FGF14: variants seen among roughly 807,000 people sequenced by gnomAD.
FGF14 encodes the protein fibroblast growth factor homologous factor 4.
In FGF14, 5 loss-of-function variants were observed where a neutral mutation model predicts 25.5. The observed-to-expected ratio is 0.20, with a 90% CI of 0.10 to 0.41. FGF14 has a LOEUF of 0.41. FGF14 is among the 10% of genes least tolerant of loss of function. The pLI is 1.00. For missense variants in FGF14, 222 were observed against 320.1 expected, an observed-to-expected ratio of 0.69 and a Z score of 2.34; for synonymous variants, 138 against 118.3, an observed-to-expected ratio of 1.17 and a Z score of -1.08.
Position 102,218,683 on chromosome 13 carries a change from C to T in FGF14, c.208+182788G>A, listed in dbSNP as rs180961576. ...TCACCCTTTTTAATCTTTTTCTTTT[C>T]GCCTGCATCTATGGCACATCCACTT... On this transcript the variant is annotated intron_variant, in intron 1 of 4. Coordinates refer to the FGF14 transcript ENST00000376131. 2.9e-3 allele frequency among the ~76,000 whole-genome samples: 434 copies of T among 152,036 alleles called. 1 individual carries two copies. Among genetic ancestry groups the T allele is most frequent in the African/African-American group, 9.3e-3 (385 of 41,464 alleles).
chr13:101,871,226 A>T (rs1232836091), intron 2 of FGF14, among the ~76,000 whole-genome samples: 1 of 152,024 alleles, frequency 6.6e-6, no homozygotes, highest in Non-Finnish European at 1.5e-5. Context: ...AATAATGGAG[A>T]TGTTTTTGTG....
intron 1 of FGF14, among the ~76,000 whole-genome samples, chr13:102,098,802 C>A (rs1402367482): frequency 6.6e-6 from 1 of 152,136 alleles, no homozygotes; most frequent in Non-Finnish European, 1.5e-5. Flanking sequence ...AACCAGGTAA[C>A]CTCCAATGGG....
At chr13:101,919,120 G>A, upstream of FGF14, among the ~76,000 whole-genome samples, 1 of 152,108 alleles carries the variant, frequency 6.6e-6, no homozygotes, top group East Asian at 1.9e-4. Context: ...ATAGAGAGAT[G>A]AAAATAACTA....
intron 3 of FGF14, among the ~76,000 whole-genome samples, chr13:101,791,287 G>T (rs1461877255): frequency 1.3e-5 from 2 of 152,114 alleles, no homozygotes; most frequent in African/African-American, 4.8e-5. Flanking sequence ...TAGGCGGCAT[G>T]AATATTTTGG....
rs544972682 is a variant in FGF14 at position 102,060,298 on chromosome 13, G to A, written c.209-185002C>T. Among the ~76,000 whole-genome samples, 26 of 152,098 alleles carry A rather than the reference G, an allele frequency of 1.7e-4. No individual in the cohort carries two copies. The South Asian group carries it at 3.5e-3, about 21-fold the overall frequency. On this transcript the variant is annotated intron_variant, in intron 1 of 4. Coordinates refer to the FGF14 transcript ENST00000376131. ...CCCAGCACTTTGGGAGGCTGAGGCC[G>A]GGGGATCATGAGGTCAAGAGATCGA...
chr13:102,286,705 G>A (rs1010090270), intron 1 of FGF14, among the ~76,000 whole-genome samples: 2 of 152,094 alleles, frequency 1.3e-5, no homozygotes, highest in African/African-American at 4.8e-5. Context: ...TCACTGTTGA[G>A]TCAGTAATTG....
At chr13:102,007,942 G>A (rs2039892709) in intron 1 of FGF14, among the ~76,000 whole-genome samples, 1 of 152,202 alleles carries the variant, frequency 6.6e-6, no homozygotes, top group African/African-American at 2.4e-5. Flanking sequence ...AGAAGCTTTA[G>A]ATTGCATTGG....
intron 1 of FGF14, among the ~76,000 whole-genome samples, chr13:101,992,733 T>C (rs2038973996): frequency 6.6e-6 from 1 of 152,046 alleles, no homozygotes; most frequent in South Asian, 2.1e-4. Flanking sequence ...AAACTTAAAA[T>C]GGCCAGGGAA....
intron 1 of FGF14, among the ~76,000 whole-genome samples, chr13:102,149,186 A>T (rs527905279): frequency 1.3e-5 from 2 of 152,002 alleles, no homozygotes; most frequent in African/African-American, 4.8e-5. Flanking sequence ...TCATTATTTT[A>T]AAATAACTAT....
At chr13:101,890,365 G>A (rs2046205468) in intron 1 of FGF14, among the ~76,000 whole-genome samples, 1 of 151,914 alleles carries the variant, frequency 6.6e-6, no homozygotes, top group Non-Finnish European at 1.5e-5. Flanking sequence ...CATTGTTCTT[G>A]GAAAACGGAC....
chr13:102,026,259 TAAC>T (rs967559465), intron 1 of FGF14, among the ~76,000 whole-genome samples: 22 of 152,144 alleles, frequency 1.4e-4, no homozygotes, highest in African/African-American at 5.1e-4. Context: ...TGTATGTACG[TAAC>T]AACAACAGTG....
intron 1 of FGF14, among the ~76,000 whole-genome samples, chr13:102,052,911 A>G (rs528842608): frequency 4.6e-5 from 7 of 152,278 alleles, no homozygotes; most frequent in East Asian, 1.9e-4. Context: ...TGTGTACATC[A>G]CTTATGTCTT....
At chr13:101,915,492 C>T (rs1310745318) in intron 1 of FGF14, among the ~76,000 whole-genome samples, 1 of 152,136 alleles carries the variant, frequency 6.6e-6, no homozygotes, top group Non-Finnish European at 1.5e-5. Context: ...CCATTTCCCC[C>T]ACAGAACACA....
intron 3 of FGF14, among the ~76,000 whole-genome samples, chr13:101,771,095 T>G (rs1458198195): frequency 1.3e-5 from 2 of 152,152 alleles, no homozygotes; most frequent in Admixed American, 1.3e-4. Context: ...GGATGCTTAA[T>G]GCTTAAATAT....
At chr13:102,244,072 A>T (rs1196816806) in intron 1 of FGF14, among the ~76,000 whole-genome samples, 7 of 151,992 alleles carry the variant, frequency 4.6e-5, no homozygotes. Flanking sequence ...TACCTATGTG[A>T]TTCCTTCAAA....
intron 1 of FGF14, among the ~76,000 whole-genome samples, chr13:102,177,930 C>T (rs971747395): frequency 6.6e-6 from 1 of 151,986 alleles, no homozygotes; most frequent in Admixed American, 6.6e-5. Flanking sequence ...ATATCACAAG[C>T]CATGATATCA....
intron 1 of FGF14, among the ~76,000 whole-genome samples, chr13:102,381,479 T>C (rs1409128889): frequency 1.3e-5 from 2 of 152,166 alleles, no homozygotes; most frequent in African/African-American, 2.4e-5. Context: ...GTAGGCACCA[T>C]CTTTGAAGCA....
intron 1 of FGF14, among the ~76,000 whole-genome samples, chr13:102,286,637 C>G (rs1163812767): frequency 6.6e-6 from 1 of 152,092 alleles, no homozygotes; most frequent in Admixed American, 6.5e-5. Flanking sequence ...TCCATCAACC[C>G]ACTATTTGTG....
intron 1 of FGF14, among the ~76,000 whole-genome samples, chr13:102,357,728 T>C (rs1182544043): frequency 1.3e-5 from 2 of 152,230 alleles, no homozygotes; most frequent in Non-Finnish European, 2.9e-5. Context: ...ATGTGTTCAA[T>C]AAATGTCACT....
Sources: allele counts gnomAD v4.1 joint callset (sites outside exome capture counted in the v4.1 genomes callset), GRCh38; gene constraint gnomAD v4.1.1; transcripts MANE v1.5; gene names NCBI Gene and HGNC (gene_info 2026-07-23, HGNC 2026-07-21).